NECAB2: variants seen among roughly 807,000 people sequenced by gnomAD.
NECAB2 encodes the protein N-terminal EF-hand calcium-binding protein 2.
A neutral mutation model predicts 51.9 loss-of-function variants in NECAB2; 68 were observed. The ratio of observed to expected loss-of-function variants is 1.31; its 90% CI spans 1.08 to 1.60. NECAB2 has a LOEUF of 1.60. Ranked by LOEUF, NECAB2 falls within the 40% of genes most tolerant of loss-of-function variation. The pLI is 0.00. For synonymous variants in NECAB2, 329 were observed against 203.5 expected (o/e 1.62, Z -5.25); for missense variants, 854 against 490.3 (o/e 1.74, Z -7.00).
chr16:83,999,907 A>ATCTTGCT (rs1555549828), intron 10 of NECAB2, among the ~76,000 whole-genome samples: 2 of 149,974 alleles, frequency 1.3e-5, no homozygotes, highest in African/African-American at 2.5e-5. Context: ...TTGAGACCAA[A>ATCTTGCT]TCTTGCTTTA....
At chr16:83,998,692 C>G (rs544837424) in intron 10 of NECAB2, among the ~76,000 whole-genome samples, 1 of 152,314 alleles carries the variant, frequency 6.6e-6, no homozygotes, top group South Asian at 2.1e-4. Context: ...ACAGGGGTTC[C>G]TGCACACTTA....
chr16:83,965,837 G>A (rs751177746), upstream of NECAB2: 4 of 1,613,016 alleles, frequency 2.5e-6, no homozygotes, highest in South Asian at 2.2e-5. Flanking sequence ...GCCGCTGAGC[G>A]CCAAGAGGAA....
In NECAB2 at chr16:83,971,093, C is replaced by CA. The variant is rs58733062; in HGVS notation, c.202-1044dup. Among the ~76,000 whole-genome samples, 238 of 135,830 alleles carry CA rather than the reference C, an allele frequency of 1.8e-3. 2 individuals carry two copies. The highest frequency in any genetic ancestry group is 3.2e-3 in the African/African-American group (123 of 38,736). 89.1% of individuals were successfully genotyped at this position (135,830 alleles called of 152,430 possible). On this transcript the variant is annotated intron_variant, in intron 1 of 12. Coordinates refer to ENST00000305202, the MANE Select transcript of NECAB2 (RefSeq NM_019065.3). ...TGGGTGACAGAGCGAGACCCCATCT[C>CA]AAAAAAAAAAAAAATAGTGCTGGTG...
intron 5 of NECAB2, 81 bp from the exon 6 acceptor site, chr16:83,990,412 TC>T: frequency 6.5e-7 from 1 of 1,538,436 alleles, no homozygotes. Context: ...GCACCAGCTT[TC>T]CCCCAACTCC....
Position 83,998,381 on chromosome 16 carries a change from C to T in NECAB2, c.962+64C>T, listed in dbSNP as rs1455087580. 4.7e-6 allele frequency: 7 copies of T among 1,482,046 alleles called. No individual in the cohort carries two copies. The South Asian group carries it at 5.9e-5, about 12-fold the overall frequency. 91.8% of individuals were successfully genotyped at this position (1,482,046 alleles called of 1,614,324 possible). On this transcript the variant is annotated intron_variant, in intron 10 of 12. Transcript: ENST00000305202. ...GGAGCTCTGCCTGGCAGTGGAGGAA[C>T]AGGGCAGGACTAGGCTTTGCCCTAA... is the stretch of plus-strand genomic sequence containing the variant.
intron 1 of NECAB2, among the ~76,000 whole-genome samples, chr16:83,970,482 C>A (rs2084335955): frequency 6.6e-6 from 1 of 152,086 alleles, no homozygotes; most frequent in Admixed American, 6.5e-5. Context: ...TTTGAGAGGC[C>A]CTCCCATAGC....
chr16:83,994,576 A>C (rs73248831), intron 7 of NECAB2, 33 bp from the exon 8 acceptor site: 3 of 1,613,416 alleles, frequency 1.9e-6, no homozygotes, highest in African/African-American at 2.7e-5. Context: ...CCTGCCCACC[A>C]CTGAAGTCTG....
chr16:83,969,472 C>G (rs2084325430), intron 1 of NECAB2, among the ~76,000 whole-genome samples: 1 of 152,068 alleles, frequency 6.6e-6, no homozygotes, highest in African/African-American at 2.4e-5. Flanking sequence ...CTGGTCTTCC[C>G]CACCCCGCCC....
intron 10 of NECAB2, among the ~76,000 whole-genome samples, chr16:84,000,004 A>C (rs1008985537): frequency 2.0e-5 from 3 of 151,924 alleles, no homozygotes; most frequent in African/African-American, 7.3e-5. Context: ...CTCATGCCTC[A>C]GTGTCCTGCA....
At chr16:83,995,773 G>A (rs574263479) in intron 8 of NECAB2, among the ~76,000 whole-genome samples, 1 of 152,212 alleles carries the variant, frequency 6.6e-6, no homozygotes, top group African/African-American at 2.4e-5. Flanking sequence ...GTGGAATGAA[G>A]TCCGAGGGAG....
chr16:83,968,028 G>A (rs2084306893), upstream of NECAB2, among the ~76,000 whole-genome samples: 1 of 152,072 alleles, frequency 6.6e-6, no homozygotes. Context: ...GTGGATAGAT[G>A]GATGGGTGGA....
Position 83,994,619 on chromosome 16 carries a change from T to C in NECAB2, c.726T>C (p.Asp242=). 1 of 1,614,014 alleles carries C rather than the reference T, an allele frequency of 6.2e-7. No homozygotes were observed. The highest frequency in any genetic ancestry group is 8.5e-7 in the Non-Finnish European group (1 of 1,180,018). Residue 242 remains aspartate (D), a synonymous_variant, in exon 8 of 13, where the codon GAT becomes GAC. Coordinates refer to ENST00000305202, the MANE Select transcript of NECAB2 (RefSeq NM_019065.3). Reference sequence around the variant, plus strand: ...CTTTCTCTACCGCAGCCACGGAGGATGCAAAGGAAGAGGGTCTGGAAGCCC... The same window carrying C: ...CTTTCTCTACCGCAGCCACGGAGGACGCAAAGGAAGAGGGTCTGGAAGCCC... ...QGKTLPSATE[D]AKEEGLEAQI...
At chr16:83,980,573 C>T (rs567960163) in intron 3 of NECAB2, among the ~76,000 whole-genome samples, 1 of 152,244 alleles carries the variant, frequency 6.6e-6, no homozygotes, top group East Asian at 1.9e-4. Context: ...TTGGCCCTCC[C>T]CTTGGTGTCA....
At chr16:83,990,018 G>A (rs2084602188) in intron 5 of NECAB2, among the ~76,000 whole-genome samples, 1 of 152,158 alleles carries the variant, frequency 6.6e-6, no homozygotes, top group African/African-American at 2.4e-5. Context: ...GCAGGAGGAA[G>A]GAGGGAGGGA....
Position 83,998,927 on chromosome 16 carries a change from G to C in NECAB2, c.962+610G>C, listed in dbSNP as rs546713038. ...GGCATGTGGCCAGGGCCAGAGTGGA[G>C]GGGGTTGCAGAAGACAACAGCCCTT... is the stretch of plus-strand genomic sequence containing the variant. On this transcript the variant is annotated intron_variant, in intron 10 of 12. Transcript: ENST00000305202. Among the ~76,000 whole-genome samples, 7 of 152,324 alleles carry C rather than the reference G, an allele frequency of 4.6e-5. No individual in the cohort carries two copies. In the East Asian group the frequency reaches 9.7e-4, roughly 21 times the overall value.
intron 8 of NECAB2, among the ~76,000 whole-genome samples, chr16:83,996,025 C>T (rs1011566355): frequency 2.0e-5 from 3 of 152,216 alleles, no homozygotes; most frequent in African/African-American, 4.8e-5. Context: ...AGGTCCTCCT[C>T]CCCAGCCTCT....
chr16:84,000,625 T>C (rs1190022291), intron 10 of NECAB2, 99 bp from the exon 11 acceptor site: 5 of 860,306 alleles, frequency 5.8e-6, no homozygotes, highest in Admixed American at 4.3e-5. Flanking sequence ...AAGGCAGCCG[T>C]TGTGTATAGT....
chr16:83,971,955 G>A (rs1361458682), intron 1 of NECAB2, 196 bp from the exon 2 acceptor site: 4 of 679,214 alleles, frequency 5.9e-6, no homozygotes, highest in Non-Finnish European at 9.8e-6. Flanking sequence ...GTGAGGGGAG[G>A]GCCTCTGTCT....
Position 84,002,428 on chromosome 16 carries a change from T to A in NECAB2, c.*82T>A. On this transcript the variant is annotated 3_prime_UTR_variant, in exon 13 of 13. Coordinates refer to ENST00000305202, the MANE Select transcript of NECAB2 (RefSeq NM_019065.3). The stretch of plus-strand genomic sequence containing the variant: ...TCCCGTTTTTTTCTAGACAGACACT[T>A]TGGTGCAGAAGCTTCTTTTCAATCC... The A allele has an allele frequency of 1.3e-6, 2 of 1,516,624 alleles. No homozygotes were observed. The highest frequency in any genetic ancestry group is 2.2e-5 in the South Asian group (2 of 89,078). 93.9% of individuals were successfully genotyped at this position (1,516,624 alleles called of 1,614,324 possible).
Sources: gnomAD v4.1 joint callset for allele counts (sites outside exome capture counted in the v4.1 genomes callset) on GRCh38, gnomAD v4.1.1 for gene constraint, MANE v1.5 for transcripts, NCBI Gene and HGNC (gene_info 2026-07-23, HGNC 2026-07-21) for gene names.